Variants in TCF12 observed in about 807,000 individuals in gnomAD.
The protein encoded by TCF12 is DNA-binding protein HTF4.
A neutral mutation model predicts 86.0 loss-of-function variants in TCF12; 45 were observed. The ratio of observed to expected loss-of-function variants is 0.52; its 90% CI spans 0.41 to 0.67. TCF12 has a LOEUF of 0.67. TCF12 is among the 30% of genes least tolerant of loss of function. TCF12 has a pLI of 0.00. For missense variants in TCF12, 881 were observed against 859.9 expected, an observed-to-expected ratio of 1.02 and a Z score of -0.31; for synonymous variants, 330 against 299.6, an observed-to-expected ratio of 1.10 and a Z score of -1.05.
intron 16 of TCF12, among the ~76,000 whole-genome samples, chr15:57,254,857 C>CAAA (rs777934020): frequency 6.5e-4 from 67 of 102,514 alleles, no homozygotes; most frequent in African/African-American, 1.3e-3. Context: ...GACCCTGTCT[C>CAAA]AAAAAAAAAA....
chr15:57,243,942 G>A (rs2059741044), intron 13 of TCF12, among the ~76,000 whole-genome samples: 1 of 151,898 alleles, frequency 6.6e-6, no homozygotes, highest in South Asian at 2.1e-4. Flanking sequence ...ATAGTGGTAT[G>A]GTCTTGGCCC....
At chr15:57,068,289 A>G (rs1243544512) in intron 4 of TCF12, among the ~76,000 whole-genome samples, 2 of 152,202 alleles carry the variant, frequency 1.3e-5, no homozygotes, top group Non-Finnish European at 2.9e-5. Context: ...GGTGAGTGCT[A>G]TATAAGTGTT....
At chr15:57,147,618 C>T (rs1210913220) in intron 5 of TCF12, among the ~76,000 whole-genome samples, 2 of 151,974 alleles carry the variant, frequency 1.3e-5, no homozygotes, top group Non-Finnish European at 2.9e-5. Context: ...GCAGTTAAAT[C>T]CTTGTGCATA....
intron 5 of TCF12, among the ~76,000 whole-genome samples, chr15:57,139,859 C>T (rs577268519): frequency 6.6e-6 from 1 of 152,196 alleles, no homozygotes; most frequent in Non-Finnish European, 1.5e-5. Context: ...TTACAGTAAG[C>T]CAGAAAAAGA....
At chr15:57,127,554 C>G (rs1001566054) in intron 5 of TCF12, among the ~76,000 whole-genome samples, 2 of 152,184 alleles carry the variant, frequency 1.3e-5, no homozygotes, top group African/African-American at 4.8e-5. Flanking sequence ...GTGCTTCCTG[C>G]ACCGATTTAA....
intron 3 of TCF12, among the ~76,000 whole-genome samples, chr15:57,056,094 A>C (rs1251511656): frequency 6.8e-6 from 1 of 147,304 alleles, no homozygotes; most frequent in Non-Finnish European, 1.5e-5. Context: ...TTCTTTCTAA[A>C]TTTCAGATAC....
At chr15:57,105,643 C>T (rs1474229100) in intron 5 of TCF12, among the ~76,000 whole-genome samples, 1 of 152,188 alleles carries the variant, frequency 6.6e-6, no homozygotes. Flanking sequence ...AACTCCTGAC[C>T]TCAAGTGGTC....
chr15:57,136,679 A>G (rs1041819863), intron 5 of TCF12, among the ~76,000 whole-genome samples: 1 of 152,032 alleles, frequency 6.6e-6, no homozygotes, highest in Non-Finnish European at 1.5e-5. Context: ...TTCGTAATAG[A>G]TGTTTTCTTT....
At chr15:57,176,679 G>A (rs761949013) in intron 6 of TCF12, among the ~76,000 whole-genome samples, 3 of 152,176 alleles carry the variant, frequency 2.0e-5, no homozygotes, top group African/African-American at 7.2e-5. Flanking sequence ...TAGGAGAATT[G>A]ATGTAGTGAT....
chr15:57,026,914 T>C (rs1825274575), intron 3 of TCF12, among the ~76,000 whole-genome samples: 1 of 152,198 alleles, frequency 6.6e-6, no homozygotes, highest in Non-Finnish European at 1.5e-5. Context: ...TTACATATAA[T>C]ACCTAATACC....
intron 19 of TCF12, among the ~76,000 whole-genome samples, chr15:57,274,690 C>T (rs1254759670): frequency 2.0e-5 from 3 of 152,098 alleles, no homozygotes; most frequent in Non-Finnish European, 4.4e-5. Flanking sequence ...CTTCTTCAGC[C>T]CAGGATATCT....
At chr15:57,164,970 T>C (rs1246017470) in intron 5 of TCF12, among the ~76,000 whole-genome samples, 1 of 152,142 alleles carries the variant, frequency 6.6e-6, no homozygotes, top group Non-Finnish European at 1.5e-5. Flanking sequence ...CGTGAGCCAC[T>C]GCCCCCCACC....
intron 3 of TCF12, among the ~76,000 whole-genome samples, chr15:57,007,777 TCTTTCTTTCTTTCTC>T: frequency 2.1e-5 from 1 of 47,700 alleles, no homozygotes; most frequent in East Asian, 6.9e-4. Context: ...TTTCTTTCTT[TCTTTCTTTCTTTCTC>T]TCTTTCTTTC....
At chr15:57,014,383 C>T (rs73413313) in intron 3 of TCF12, among the ~76,000 whole-genome samples, 78 of 151,230 alleles carry the variant, frequency 5.2e-4, no homozygotes, top group African/African-American at 1.8e-3. Context: ...AGTGGAAATC[C>T]AATATTGTTG....
intron 5 of TCF12, 33 bp from the exon 6 acceptor site, chr15:57,166,369 G>A (rs1457374872): frequency 1.3e-6 from 2 of 1,582,052 alleles, no homozygotes; most frequent in Non-Finnish European, 8.7e-7. Flanking sequence ...TAAATGAAGG[G>A]TTTTATATAA....
At chr15:57,276,840 T>C (rs2061421429) in intron 19 of TCF12, among the ~76,000 whole-genome samples, 1 of 147,618 alleles carries the variant, frequency 6.8e-6, no homozygotes, top group African/African-American at 2.5e-5. Flanking sequence ...AGTCTCGCCC[T>C]GTCACCCAGG....
intron 4 of TCF12, among the ~76,000 whole-genome samples, chr15:57,089,393 T>G (rs2048845272): frequency 6.6e-6 from 1 of 152,190 alleles, no homozygotes; most frequent in African/African-American, 2.4e-5. Flanking sequence ...GTCTATAGGC[T>G]CCTATTTTCT....
chr15:57,248,675 A>G (rs1220617092), intron 13 of TCF12, among the ~76,000 whole-genome samples: 2 of 152,254 alleles, frequency 1.3e-5, no homozygotes, highest in African/African-American at 2.4e-5. Flanking sequence ...TGACTTCAGC[A>G]TGCTTTAACA....
intron 2 of TCF12, 111 bp downstream of exon 2, chr15:56,920,099 G>A (rs964882406): frequency 5.9e-6 from 7 of 1,184,096 alleles, no homozygotes; most frequent in African/African-American, 1.5e-5. Flanking sequence ...ACTAGGCAGC[G>A]TGAACTCCAT....
Sources: allele counts gnomAD v4.1 joint callset (sites outside exome capture counted in the v4.1 genomes callset), GRCh38; gene constraint gnomAD v4.1.1; transcripts MANE v1.5; gene names NCBI Gene and HGNC (gene_info 2026-07-23, HGNC 2026-07-21).